The following GSG1L2 variants were observed in gnomAD, a reference collection of about 807,000 sequenced individuals.
GSG1L2 encodes the protein germ cell-specific gene 1-like protein 2.
Under a neutral mutation model 9.0 loss-of-function variants are expected in GSG1L2, and 15 were observed. The observed-to-expected ratio is 1.67, with a 90% confidence interval of 1.12 to 2.57. The LOEUF (loss-of-function observed/expected upper bound fraction) is 2.57. Ranked by LOEUF, GSG1L2 falls within the 30% of genes most tolerant of loss-of-function variation. The probability of loss-of-function intolerance (pLI) is 0.00; values close to 1 mark genes in which losing one functional copy is unlikely to be tolerated. For synonymous variants in GSG1L2, 127 were observed against 57.9 expected, an observed-to-expected ratio of 2.19 and a Z score of -5.41; for missense variants, 286 against 150.3, an observed-to-expected ratio of 1.90 and a Z score of -4.72.
chr17:9,810,614 T>G lies in GSG1L2; in HGVS notation c.315A>C (p.Glu105Asp), dbSNP rs891859075. 1.4e-6 allele frequency: 1 copy of G among 702,926 alleles called. No homozygotes were observed. The highest frequency in any genetic ancestry group is 1.7e-5 in the African/African-American group (1 of 57,268). 43.5% of individuals were successfully genotyped at this position (702,926 alleles called of 1,614,324 possible). The change falls in exon 2 of 5, where the codon GAA (glutamate) becomes GAC (aspartate). Residue 105 changes from glutamate to aspartate, a missense_variant. Physicochemically the swap from Glu to Asp is conservative, Grantham distance 45 (BLOSUM62 2). Coordinates refer to ENST00000399363, the MANE Select transcript of GSG1L2 (RefSeq NM_001310219.2). ...CTACACTCCGGAAACTCCTACACTT[T>G]TCATCTGAAAGATAAAGAGAATGCA... ...SCEESLNGEDEKCRSFRSVVP... is the reference protein window; with the variant it reads ...SCEESLNGEDDKCRSFRSVVP...
chr17:9,816,539 C>T (rs1317422048), intron 1 of GSG1L2, among the ~76,000 whole-genome samples: 3 of 55,996 alleles, frequency 5.4e-5, no homozygotes, highest in South Asian at 9.6e-4. Flanking sequence ...TCTGTGTGCA[C>T]GTGCGTGTGT....
chr17:9,817,473 GGAGTACA>G (rs991964074), intron 1 of GSG1L2, among the ~76,000 whole-genome samples: 1 of 150,950 alleles, frequency 6.6e-6, no homozygotes, highest in African/African-American at 2.4e-5. Context: ...CGCCCAGGCT[GGAGTACA>G]GTGGTGCGAT....
At chr17:9,811,542 GT>G (rs1378479517) in intron 1 of GSG1L2, among the ~76,000 whole-genome samples, 4 of 152,200 alleles carry the variant, frequency 2.6e-5, no homozygotes, top group Admixed American at 6.5e-5. Context: ...GGTTTAGGGG[GT>G]GACAGATGGA....
Position 9,809,331 on chromosome 17 carries a change from T to C in GSG1L2, c.359-349A>G, listed in dbSNP as rs899713764. On this transcript the variant is annotated intron_variant, in intron 2 of 4. Coordinates refer to ENST00000399363, the MANE Select transcript of GSG1L2 (RefSeq NM_001310219.2). ...GGTTCCTGCCGGTGGGTTCATGGTCTGGCTGACTTCAAGAACGAAGCCACA... is the reference window on the plus strand; with the variant it reads ...GGTTCCTGCCGGTGGGTTCATGGTCCGGCTGACTTCAAGAACGAAGCCACA... The C allele has an allele frequency of 2.7e-5, 9 of 337,268 alleles. No individual in the cohort carries two copies. The Admixed American group carries it at 3.1e-4, about 12-fold the overall frequency. 20.9% of individuals were successfully genotyped at this position (337,268 alleles called of 1,614,324 possible). A position where few individuals can be genotyped will look rare whatever the true frequency, so the allele number is the denominator to read the frequency against.
At chr17:9,807,747 T>C (rs959741911) in intron 3 of GSG1L2, 146 bp from the exon 4 acceptor site, 6 of 603,872 alleles carry the variant, frequency 9.9e-6, no homozygotes, top group South Asian at 5.7e-5. Context: ...AACATTCCGC[T>C]GGACATCTCT....
chr17:9,818,042 A>T (rs1834426014), intron 1 of GSG1L2, among the ~76,000 whole-genome samples: 1 of 152,132 alleles, frequency 6.6e-6, no homozygotes, highest in Admixed American at 6.5e-5. Context: ...GGTCCTCCCT[A>T]TGCCTAGAGC....
rs1288640336 is a variant in GSG1L2, at chr17:9,820,485, G to T, written c.310+1277C>A. ...CCCTGAGAAGCGAGGAACTGTGGAG[G>T]TCCTAAATAGCCTTAGCTCCAGGCA... is the stretch of plus-strand genomic sequence containing the variant. On this transcript the variant is annotated intron_variant, in intron 1 of 4. Coordinates refer to ENST00000399363, the MANE Select transcript of GSG1L2 (RefSeq NM_001310219.2). This position sits in a 1 kb window ranked among gnomAD's most constrained non-coding sequence, Gnocchi z 4.9. Among the ~76,000 whole-genome samples the T allele has an allele frequency of 4.1e-5, 4 of 97,682 alleles. No homozygotes were observed. Among genetic ancestry groups the T allele is most frequent in the Non-Finnish European group, 7.1e-5 (4 of 56,156 alleles). The allele number at this position is 97,682 out of a possible 152,430, so 64.1% of individuals were successfully genotyped here. A position where few individuals can be genotyped will look rare whatever the true frequency, so the allele number is the denominator to read the frequency against.
At chr17:9,814,214 G>T (rs868585268) in intron 1 of GSG1L2, among the ~76,000 whole-genome samples, 1 of 152,208 alleles carries the variant, frequency 6.6e-6, no homozygotes, top group African/African-American at 2.4e-5. Context: ...GATTACAAGC[G>T]TGAGACACCG....
At chr17:9,812,963 CTCT>C (rs1326696033) in intron 1 of GSG1L2, among the ~76,000 whole-genome samples, 2 of 152,174 alleles carry the variant, frequency 1.3e-5, no homozygotes, top group Admixed American at 6.5e-5. Flanking sequence ...GCTCTCTAGC[CTCT>C]TCTTATAAAG....
intron 3 of GSG1L2, among the ~76,000 whole-genome samples, chr17:9,808,232 G>C (rs2066523555): frequency 6.6e-6 from 1 of 152,080 alleles, no homozygotes; most frequent in Non-Finnish European, 1.5e-5. Context: ...TTTCTCCCTG[G>C]AAAGGCCCAC....
intron 2 of GSG1L2, chr17:9,809,655 G>A (rs1453173486): frequency 1.3e-5 from 2 of 152,986 alleles, no homozygotes; most frequent in Non-Finnish European, 2.9e-5. Flanking sequence ...ACAGAGCGCT[G>A]ATTGGTGCGC....
At chr17:9,809,491 G>T in intron 2 of GSG1L2, 1 of 157,244 alleles carries the variant, frequency 6.4e-6, no homozygotes, top group Non-Finnish European at 1.4e-5. Context: ...TGGCTGTGGC[G>T]GGCTGGGGTG....
chr17:9,812,504 CCATAGATGGGGTGGTTTAT>C (rs2066543139), intron 1 of GSG1L2, among the ~76,000 whole-genome samples: 1 of 152,148 alleles, frequency 6.6e-6, no homozygotes, highest in Non-Finnish European at 1.5e-5. Context: ...TAACAAATTA[CCATAGATGGGGTGGTTTAT>C]CAACAACAGG....
At chr17:9,807,375 A>G (rs1195899274) in intron 4 of GSG1L2, 115 bp downstream of exon 4, 25 of 658,088 alleles carry the variant, frequency 3.8e-5, no homozygotes, top group Non-Finnish European at 6.9e-5. Flanking sequence ...CAAAGTCACA[A>G]TACTGGCAGA....
At chr17:9,805,204 A>G (rs2066512170) in intron 4 of GSG1L2, 1 of 152,226 alleles carries the variant, frequency 6.6e-6, no homozygotes, top group African/African-American at 2.4e-5. Context: ...AATCAAAGAA[A>G]TAATACAAAT....
intron 1 of GSG1L2, among the ~76,000 whole-genome samples, chr17:9,814,876 G>A (rs1283020010): frequency 6.6e-6 from 1 of 152,122 alleles, no homozygotes; most frequent in African/African-American, 2.4e-5. Context: ...TGAACTTTTT[G>A]AGTTTAGCAG....
chr17:9,816,566 A>ACCTGTG (rs1567711280), intron 1 of GSG1L2, among the ~76,000 whole-genome samples: 1 of 78,064 alleles, frequency 1.3e-5, no homozygotes, highest in African/African-American at 6.9e-5. Flanking sequence ...GTGCATGCAT[A>ACCTGTG]TCTGTGTCTG....
chr17:9,800,924 T>G lies in GSG1L2; in HGVS notation c.*1462A>C, dbSNP rs1001683386. Among the ~76,000 whole-genome samples, 1 of 152,246 alleles carries G rather than the reference T, an allele frequency of 6.6e-6. No homozygotes were observed. Among genetic ancestry groups the G allele is most frequent in the Non-Finnish European group, 1.5e-5 (1 of 68,046 alleles). The stretch of plus-strand genomic sequence containing the variant: ...TGGGCTTATTCCAGCAAGAATCCAT[T>G]GTCTATCTCTCATATATGCTTAGCG... On this transcript the variant is annotated 3_prime_UTR_variant, in exon 5 of 5. Transcript: ENST00000399363.
At chr17:9,806,369 C>T (rs1395483358) in intron 4 of GSG1L2, among the ~76,000 whole-genome samples, 1 of 152,130 alleles carries the variant, frequency 6.6e-6, no homozygotes, top group Non-Finnish European at 1.5e-5. Flanking sequence ...TTACTAAGCA[C>T]AAACAGAATG....
Sources: allele counts gnomAD v4.1 joint callset (sites outside exome capture counted in the v4.1 genomes callset), GRCh38; gene constraint gnomAD v4.1.1; non-coding constraint Gnocchi (gnomAD v3.1); transcripts MANE v1.5; gene names NCBI Gene and HGNC (gene_info 2026-07-23, HGNC 2026-07-21).